Variants in DDX27 observed in about 807,000 individuals in gnomAD.
The protein encoded by DDX27 is DEAD-box helicase 27.
In DDX27, 42 loss-of-function variants were observed where a neutral mutation model predicts 99.3. That is an observed-to-expected ratio of 0.42 (90% CI 0.33 to 0.55). The LOEUF (loss-of-function observed/expected upper bound fraction) is 0.55. DDX27 is among the 20% of genes least tolerant of loss of function. The pLI, the probability that DDX27 is intolerant of heterozygous loss-of-function variation, is 0.07. For synonymous variants in DDX27, 329 were observed against 353.8 expected, an observed-to-expected ratio of 0.93 and a Z score of 0.79; for missense variants, 798 against 976.8, an observed-to-expected ratio of 0.82 and a Z score of 2.44.
At chr20:49,235,882 T>C (rs1980285437) in intron 12 of DDX27, 1 of 212,926 alleles carries the variant, frequency 4.7e-6, no homozygotes, top group South Asian at 1.4e-4. Context: ...TAGCTGGGAC[T>C]ACAGGCGCCC....
At chr20:49,240,947 C>G (rs2146721064) in intron 16 of DDX27, among the ~76,000 whole-genome samples, 1 of 152,124 alleles carries the variant, frequency 6.6e-6, no homozygotes. Context: ...CTGGGGAGGT[C>G]AAGGTTGCAG....
intron 6 of DDX27, among the ~76,000 whole-genome samples, chr20:49,225,983 C>T (rs969627679): frequency 2.6e-5 from 4 of 152,130 alleles, no homozygotes; most frequent in Admixed American, 1.3e-4. Context: ...CCTCAGGGCC[C>T]TTGCACTTTC....
chr20:49,231,338 G>A (rs1296024193), intron 9 of DDX27, among the ~76,000 whole-genome samples: 2 of 152,146 alleles, frequency 1.3e-5, no homozygotes, highest in African/African-American at 4.8e-5. Context: ...GTAAATACTT[G>A]TTGAATAACC....
intron 14 of DDX27, chr20:49,238,407 GTTC>G (rs1324697564): frequency 1.9e-5 from 3 of 155,502 alleles, no homozygotes; most frequent in Non-Finnish European, 4.2e-5. Context: ...GGTTCAAGCA[GTTC>G]TTCTCCTCAG....
At chr20:49,226,856 A>ATTTT (rs1568972767) in intron 7 of DDX27, among the ~76,000 whole-genome samples, 3 of 28,434 alleles carry the variant, frequency 1.1e-4, no homozygotes, top group South Asian at 8.9e-4. Context: ...AGAGTAAAGG[A>ATTTT]CTTTTTTTTT....
At chr20:49,237,406 C>T (rs1980341816) in intron 14 of DDX27, among the ~76,000 whole-genome samples, 1 of 152,196 alleles carries the variant, frequency 6.6e-6, no homozygotes. Flanking sequence ...TGTCAAAGAG[C>T]TCACCACTGG....
intron 19 of DDX27, 134 bp downstream of exon 19, chr20:49,242,815 G>A: frequency 1.2e-6 from 1 of 818,880 alleles, no homozygotes; most frequent in Non-Finnish European, 1.9e-6. Context: ...TCCACCTCCT[G>A]GGTTCAAGCA....
At position 49,219,421 on chromosome 20, in the gene DDX27, C is replaced by A; in HGVS notation, c.-28C>A. 1 of 1,613,868 alleles carries A rather than the reference C, an allele frequency of 6.2e-7. No homozygotes were observed. On this transcript the variant is annotated 5_prime_UTR_variant, in exon 1 of 21. Transcript: ENST00000618172. ...TAAGGGCCGGACCGCAGGCTGTGCT[C>A]GCTTCCGGAAGTGGCTTCTGCGACA...
intron 6 of DDX27, among the ~76,000 whole-genome samples, chr20:49,225,435 C>A (rs576814601): frequency 4.7e-5 from 7 of 149,346 alleles, no homozygotes; most frequent in African/African-American, 1.7e-4. Context: ...CTTGTCCATA[C>A]AGTTGCCAGA....
chr20:49,231,476 G>A (rs1980108466), intron 9 of DDX27, among the ~76,000 whole-genome samples: 2 of 152,144 alleles, frequency 1.3e-5, no homozygotes, highest in Admixed American at 1.3e-4. Context: ...ATTCAAGTAT[G>A]TACCTCAAAA....
intron 7 of DDX27, among the ~76,000 whole-genome samples, chr20:49,227,368 GATTA>G (rs2146710149): frequency 6.6e-6 from 1 of 151,946 alleles, no homozygotes; most frequent in South Asian, 2.1e-4. Flanking sequence ...TTTACTGAAG[GATTA>G]ATTTTTTGTT....
Position 49,223,029 on chromosome 20 carries a change from GT to G in DDX27, c.300+14del. 6.2e-7 allele frequency: 1 copy of G among 1,611,408 alleles called. No homozygotes were observed. The highest frequency in any genetic ancestry group is 8.5e-7 in the Non-Finnish European group (1 of 1,178,402). On this transcript the variant is annotated intron_variant, in intron 3 of 20. Transcript: ENST00000618172. Reference sequence around the variant, plus strand: ...AAGGAAAACAGAGGTGAGAAGAAAAGTGGCTATTTTTCGTTGTTAGGGCCCA... The same window carrying G: ...AAGGAAAACAGAGGTGAGAAGAAAAGGGCTATTTTTCGTTGTTAGGGCCCA...
intron 8 of DDX27, among the ~76,000 whole-genome samples, 191 bp from the exon 9 acceptor site, chr20:49,230,008 C>G (rs757525187): frequency 6.6e-6 from 1 of 152,138 alleles, no homozygotes; most frequent in Non-Finnish European, 1.5e-5. Flanking sequence ...TTGCACTTAG[C>G]ACAATTTTAA....
At chr20:49,229,906 A>G (rs1600969425) in intron 8 of DDX27, among the ~76,000 whole-genome samples, 1 of 152,202 alleles carries the variant, frequency 6.6e-6, no homozygotes, top group Admixed American at 6.5e-5. Context: ...TTGGCCTCCC[A>G]AAGTGCTGGG....
chr20:49,238,940 C>T lies in DDX27; in HGVS notation c.1688-9C>T, dbSNP rs770516857. ...TATTTGTAAATCCTTTTTATTTTCT[C>T]CCATTGAGATGTCATCCTCAAATTC... On this transcript the variant is annotated splice_polypyrimidine_tract_variant and intron_variant, in intron 14 of 20. Coordinates refer to ENST00000618172, the MANE Select transcript of DDX27 (RefSeq NM_017895.8). 2.5e-6 allele frequency: 4 copies of T among 1,602,066 alleles called. No individual in the cohort carries two copies. Among genetic ancestry groups the T allele is most frequent in the Non-Finnish European group, 3.4e-6 (4 of 1,169,232 alleles).
At chr20:49,238,916 A>C (rs777337285) in intron 14 of DDX27, 33 bp from the exon 15 acceptor site, 70 of 1,551,192 alleles carry the variant, frequency 4.5e-5, no homozygotes, top group Non-Finnish European at 5.5e-5. Context: ...GCCTACCCTT[A>C]TTTGTAAATC....
In DDX27 at chr20:49,230,292, A is replaced by G; in HGVS notation, c.974A>G (p.Asn325Ser). 6.2e-7 allele frequency: 1 copy of G among 1,612,658 alleles called. No individual in the cohort carries two copies. Among genetic ancestry groups the G allele is most frequent in the Non-Finnish European group, 8.5e-7 (1 of 1,179,986 alleles). The part of the protein sequence containing the change: ...TPGRLIDHLH[N>S]CPSFHLSSIE... ...GGCCGGCTCATCGATCACCTCCACAACTGCCCTTCCTTCCACCTGAGCAGC... is the reference window on the plus strand; with the variant it reads ...GGCCGGCTCATCGATCACCTCCACAGCTGCCCTTCCTTCCACCTGAGCAGC... The change falls in exon 9 of 21, where the codon AAC becomes AGC. Residue 325 changes from asparagine to serine, a missense_variant. Around this residue, in one of 2 missense-constraint regions of DDX27, gnomAD observed 553 missense variants for 727.9 expected, o/e 0.76. Coordinates refer to ENST00000618172, the MANE Select transcript of DDX27 (RefSeq NM_017895.8).
intron 8 of DDX27, among the ~76,000 whole-genome samples, chr20:49,229,460 G>T (rs1475853140): frequency 6.6e-6 from 1 of 152,120 alleles, no homozygotes; most frequent in Non-Finnish European, 1.5e-5. Flanking sequence ...TTTCTGCTCT[G>T]TGAGAATAAT....
At chr20:49,230,387 T>A (rs1349659280) in intron 9 of DDX27, 38 bp downstream of exon 9, 1 of 1,582,426 alleles carries the variant, frequency 6.3e-7, no homozygotes, top group Non-Finnish European at 8.5e-7. Context: ...CACTGTGGGG[T>A]TCCAAGGCCC....
Sources: gnomAD v4.1 joint callset for allele counts (sites outside exome capture counted in the v4.1 genomes callset) on GRCh38, gnomAD v4.1.1 for gene constraint, gnomAD v4.1.1 regional missense constraint, MANE v1.5 for transcripts, NCBI Gene and HGNC (gene_info 2026-07-23, HGNC 2026-07-21) for gene names.